Variants in SCUBE1 observed in about 807,000 individuals in gnomAD.
The protein encoded by SCUBE1 is signal peptide, CUB domain and EGF like domain containing 1, also known as signal peptide, CUB and EGF-like domain-containing protein 1.
In SCUBE1, 59 loss-of-function variants were observed where a neutral mutation model predicts 124.4. That is an observed-to-expected ratio of 0.47 (90% CI 0.38 to 0.59). The LOEUF (loss-of-function observed/expected upper bound fraction) is 0.59, where lower values mean the gene tolerates loss of function less well. SCUBE1 is among the 20% of genes least tolerant of loss of function. The pLI is 0.00. For missense variants in SCUBE1, 1,150 were observed against 1,371.2 expected (o/e 0.84, Z 2.55); for synonymous variants, 545 against 550.9 (o/e 0.99, Z 0.15).
At chr22:43,337,545 A>G (rs954082295) in intron 2 of SCUBE1, among the ~76,000 whole-genome samples, 1 of 152,050 alleles carries the variant, frequency 6.6e-6, no homozygotes, top group Non-Finnish European at 1.5e-5. Flanking sequence ...CAGGCTTCTC[A>G]CTCATGGCCT....
intron 21 of SCUBE1, 52 bp downstream of exon 21, chr22:43,207,482 C>CA: frequency 7.0e-7 from 1 of 1,434,638 alleles, no homozygotes; most frequent in South Asian, 1.1e-5. Flanking sequence ...CCTGGCTCAT[C>CA]ACAGGCCCCA....
chr22:43,294,826 C>G (rs1051523954), intron 3 of SCUBE1, among the ~76,000 whole-genome samples: 2 of 152,190 alleles, frequency 1.3e-5, no homozygotes, highest in Admixed American at 6.5e-5. Flanking sequence ...CAGCCCACCC[C>G]CAAGCCCTCA....
chr22:43,269,463 G>A lies in SCUBE1; in HGVS notation c.485-6618C>T, dbSNP rs576481076. Among the ~76,000 whole-genome samples, 11 of 152,270 alleles carry A rather than the reference G, an allele frequency of 7.2e-5. 1 individual carries two copies. The highest frequency in any genetic ancestry group is 3.9e-4 in the East Asian group (2 of 5,172). On this transcript the variant is annotated intron_variant, in intron 4 of 21. Transcript: ENST00000360835. ...ACTTAGGAGTGGGGCCTTTCTTGCC[G>A]CCACGGTCGGATAACAAAGCTGGAA...
At chr22:43,233,947 A>G (rs568771643) in intron 7 of SCUBE1, among the ~76,000 whole-genome samples, 4 of 151,794 alleles carry the variant, frequency 2.6e-5, no homozygotes, top group Non-Finnish European at 4.4e-5. Context: ...TGTGACCTTC[A>G]AAACAACCCA....
chr22:43,276,236 G>T (rs1195820100), intron 4 of SCUBE1, among the ~76,000 whole-genome samples: 1 of 152,232 alleles, frequency 6.6e-6, no homozygotes, highest in East Asian at 1.9e-4. Flanking sequence ...CAGAGCTGGA[G>T]AAGTGGCCAC....
At chr22:43,261,584 C>A (rs1278286189) in intron 5 of SCUBE1, among the ~76,000 whole-genome samples, 1 of 152,190 alleles carries the variant, frequency 6.6e-6, no homozygotes, top group Non-Finnish European at 1.5e-5. Flanking sequence ...GATGGACCAA[C>A]AAGGGCCAGC....
chr22:43,267,513 A>G (rs1486404780), intron 4 of SCUBE1, among the ~76,000 whole-genome samples: 1 of 152,204 alleles, frequency 6.6e-6, no homozygotes, highest in Non-Finnish European at 1.5e-5. Flanking sequence ...GCAGCACATG[A>G]TAAAGGCTCT....
intron 3 of SCUBE1, among the ~76,000 whole-genome samples, chr22:43,304,723 G>A (rs1291192881): frequency 1.3e-5 from 2 of 151,952 alleles, no homozygotes; most frequent in Non-Finnish European, 2.9e-5. Flanking sequence ...CTCCCTGGCC[G>A]AGCCCTTCCC....
rs768736614 is a variant in SCUBE1, at chr22:43,339,143, A to G, written c.181T>C (p.Cys61Arg). 2.5e-6 allele frequency: 4 copies of G among 1,613,794 alleles called. No individual in the cohort carries two copies. In the African/African-American group the frequency reaches 5.3e-5, roughly 22 times the overall value. The change falls in exon 2 of 22, where the codon TGC becomes CGC. Residue 61 changes from cysteine to arginine, a missense_variant. This residue lies in a region of SCUBE1 where 337 missense variants were observed against 482.1 expected (regional missense o/e 0.70). Transcript: ENST00000360835. ...QNTPKSYKCL[C>R]KPGYKGEGKQ... is the part of the protein sequence containing the mutation. ...CCTTCCCCCTTGTAGCCTGGCTTGC[A>G]GAGGCATTTGTAGGACTTGGGCGTG...
Position 43,211,733 on chromosome 22 carries a change from G to A in SCUBE1, c.2222-650C>T, listed in dbSNP as rs994795786. 3.3e-5 allele frequency among the ~76,000 whole-genome samples: 5 copies of A among 152,002 alleles called. No individual in the cohort carries two copies. The highest frequency in any genetic ancestry group is 4.8e-5 in the African/African-American group (2 of 41,368). On this transcript the variant is annotated intron_variant, in intron 17 of 21. Transcript: ENST00000360835. The surrounding 1 kb of genome is among the most constrained non-coding windows in gnomAD (Gnocchi z 4.5). ...GAGACAGGGTTTTGCCATGCTAGCC[G>A]GGCTGGCCTCAAACTTCTGACCTCA... is the stretch of plus-strand genomic sequence containing the variant.
chr22:43,335,545 A>C (rs1927034741), intron 2 of SCUBE1, among the ~76,000 whole-genome samples: 1 of 152,178 alleles, frequency 6.6e-6, no homozygotes, highest in Non-Finnish European at 1.5e-5. Context: ...TTCATGACCC[A>C]TGCTACCCTA....
intron 6 of SCUBE1, among the ~76,000 whole-genome samples, chr22:43,253,923 C>T (rs1054616425): frequency 2.0e-5 from 3 of 152,214 alleles, no homozygotes; most frequent in East Asian, 1.9e-4. Flanking sequence ...CTTAGAGTGG[C>T]CTCAGAACAC....
At chr22:43,206,329 C>T (rs1375679481) in intron 21 of SCUBE1, among the ~76,000 whole-genome samples, 1 of 151,772 alleles carries the variant, frequency 6.6e-6, no homozygotes, top group Non-Finnish European at 1.5e-5. Context: ...ACCACACACA[C>T]TGAACACCTC....
chr22:43,214,047 G>GGGGGCCCCCCC, intron 16 of SCUBE1, 43 bp downstream of exon 16: 2 of 143,438 alleles, frequency 1.4e-5, no homozygotes, highest in Non-Finnish European at 2.6e-5. Context: ...AGGAGCCCCC[G>GGGGGCCCCCCC]CCCACCCCCC....
At chr22:43,228,965 C>A in intron 9 of SCUBE1, 107 bp downstream of exon 9, 1 of 790,640 alleles carries the variant, frequency 1.3e-6, no homozygotes, top group Non-Finnish European at 2.1e-6. Context: ...AGGCCTCAGG[C>A]CCCCCAGGGT....
chr22:43,320,914 T>G (rs73886599), intron 2 of SCUBE1, among the ~76,000 whole-genome samples: 14,000 of 152,212 alleles, frequency 0.092, 1,258 homozygotes, highest in African/African-American at 0.23. Flanking sequence ...CCTGGCGTCC[T>G]TGGGAGGGCA....
intron 15 of SCUBE1, among the ~76,000 whole-genome samples, chr22:43,217,809 C>T (rs1452212028): frequency 6.6e-6 from 1 of 152,190 alleles, no homozygotes; most frequent in African/African-American, 2.4e-5. Context: ...TGCAGCACGA[C>T]GCTGCCCTCC....
chr22:43,230,309 G>A (rs1922499161), intron 8 of SCUBE1, among the ~76,000 whole-genome samples: 1 of 152,176 alleles, frequency 6.6e-6, no homozygotes, highest in South Asian at 2.1e-4. Flanking sequence ...GTCCACTTGT[G>A]TGGAGCCCAA....
intron 6 of SCUBE1, among the ~76,000 whole-genome samples, chr22:43,246,739 C>T (rs1923228218): frequency 6.6e-6 from 1 of 152,218 alleles, no homozygotes; most frequent in African/African-American, 2.4e-5. Context: ...GTGGGCTGCC[C>T]CGGAGATGTG....
Sources: allele counts gnomAD v4.1 joint callset (sites outside exome capture counted in the v4.1 genomes callset), GRCh38; gene constraint gnomAD v4.1.1; regional missense constraint gnomAD v4.1.1; non-coding constraint Gnocchi (gnomAD v3.1); transcripts MANE v1.5; gene names NCBI Gene and HGNC (gene_info 2026-07-23, HGNC 2026-07-21).